The following SF1 variants were observed in gnomAD, a reference collection of about 807,000 sequenced individuals.
SF1 encodes branch point-binding protein.
A neutral mutation model predicts 62.5 loss-of-function variants in SF1; 7 were observed. The observed-to-expected ratio is 0.11, with a 90% CI of 0.06 to 0.21. SF1 has a LOEUF of 0.21. Ranked by LOEUF, SF1 falls within the 10% of genes least tolerant of loss-of-function variation. SF1 has a pLI of 1.00. For synonymous variants in SF1, 394 were observed against 323.6 expected (o/e 1.22, Z -2.33); for missense variants, 578 against 884.0 (o/e 0.65, Z 4.39).
intron 3 of SF1, chr11:64,772,486 ATGAG>A (rs1211197971): frequency 1.1e-5 from 11 of 984,972 alleles, no homozygotes; most frequent in South Asian, 4.7e-5. Context: ...AGAAAGATGC[ATGAG>A]TGAGTGACTT....
At chr11:64,773,640 G>A in intron 2 of SF1, 135 bp from the exon 3 acceptor site, 1 of 995,938 alleles carries the variant, frequency 1.0e-6, no homozygotes, top group Non-Finnish European at 1.4e-6. Context: ...TGAACACATT[G>A]AAGCAAAAAC....
intron 8 of SF1, among the ~76,000 whole-genome samples, chr11:64,768,621 C>T (rs1318375288): frequency 6.6e-6 from 1 of 152,260 alleles, no homozygotes; most frequent in African/African-American, 2.4e-5. Context: ...AAGACTGGCA[C>T]AACTGCCAGA....
chr11:64,770,009 T>G lies in SF1; in HGVS notation c.434A>C (p.Asp145Ala). ...RVSDKVMIPQDEYPEINFVGL... is the reference protein window; with the variant it reads ...RVSDKVMIPQAEYPEINFVGL... ...CACAAAGTTGATTTCTGGGTACTCATCTTGTGGAATCATGACTTTATCACT... is the reference window on the plus strand; with the variant it reads ...CACAAAGTTGATTTCTGGGTACTCAGCTTGTGGAATCATGACTTTATCACT... Residue 145 changes from aspartate to alanine, a missense_variant, in exon 5 of 13, where the codon GAT (aspartate) becomes GCT (alanine). Asp to Ala is a moderately radical substitution (Grantham distance 126, BLOSUM62 -2). Transcript: ENST00000377390. 6.2e-7 allele frequency: 1 copy of G among 1,614,144 alleles called. No homozygotes were observed. Among genetic ancestry groups the G allele is most frequent in the East Asian group, 2.2e-5 (1 of 44,892 alleles).
At chr11:64,772,743 G>A (rs544354265) in intron 3 of SF1, 1 of 985,280 alleles carries the variant, frequency 1.0e-6, no homozygotes, top group Admixed American at 6.1e-5. Flanking sequence ...TCTGAGGTGA[G>A]AGAAACTGCA....
Position 64,765,971 on chromosome 11 carries a change from C to A in SF1, c.1767G>T (p.Pro589=), listed in dbSNP as rs202182976. 3 of 1,234,044 alleles carry A rather than the reference C, an allele frequency of 2.4e-6. No individual in the cohort carries two copies. Among genetic ancestry groups the A allele is most frequent in the Non-Finnish European group, 3.1e-6 (3 of 956,714 alleles). 76.4% of individuals were successfully genotyped at this position (1,234,044 alleles called of 1,614,324 possible). A position where few individuals can be genotyped will look rare whatever the true frequency, so the allele number is the denominator to read the frequency against. The change falls in exon 13 of 13, where the codon CCG becomes CCT. Residue 589 remains proline (P), a synonymous_variant. Transcript: ENST00000377390. ...PGAPPPPPPP[P]PGSAGMMYAP... The stretch of plus-strand genomic sequence containing the variant: ...CATACATCATGCCGGCGGAACCAGG[C>A]GGTGGAGGCGGCGGAGGGGGAGGGG...
intron 2 of SF1, among the ~76,000 whole-genome samples, chr11:64,775,093 T>C (rs1354228667): frequency 6.6e-6 from 1 of 152,010 alleles, no homozygotes; most frequent in Non-Finnish European, 1.5e-5. Context: ...TGCAGTTGAG[T>C]ATTAAGCTCA....
chr11:64,769,843 A>G, intron 5 of SF1, 121 bp downstream of exon 5: 1 of 839,816 alleles, frequency 1.2e-6, no homozygotes, highest in Non-Finnish European at 1.9e-6. Context: ...TAATTCAGCC[A>G]AAATGAAATG....
In SF1 at chr11:64,769,672, C is replaced by T. The variant is rs566281344; in HGVS notation, c.480-63G>A. 108 of 1,477,742 alleles carry T rather than the reference C, an allele frequency of 7.3e-5. 2 individuals carry two copies. The South Asian group carries it at 1.2e-3, about 17-fold the overall frequency. The allele number at this position is 1,477,742 out of a possible 1,614,324, so 91.5% of individuals were successfully genotyped here. A position where few individuals can be genotyped will look rare whatever the true frequency, so the allele number is the denominator to read the frequency against. ...ATTCACACTCAAGAGGGAAGAGAGGCTGGACCAATTTGGCATTGGTGGGAA... is the reference window on the plus strand; with the variant it reads ...ATTCACACTCAAGAGGGAAGAGAGGTTGGACCAATTTGGCATTGGTGGGAA... On this transcript the variant is annotated intron_variant, in intron 5 of 12. Transcript: ENST00000377390.
In SF1 at chr11:64,765,814, A is replaced by G. The variant is rs2277309; in HGVS notation, c.*4T>C. 6.5e-7 allele frequency: 1 copy of G among 1,533,698 alleles called. No homozygotes were observed. Among genetic ancestry groups the G allele is most frequent in the Non-Finnish European group, 8.8e-7 (1 of 1,142,366 alleles). On this transcript the variant is annotated 3_prime_UTR_variant, in exon 13 of 13. Coordinates refer to ENST00000377390, the MANE Select transcript of SF1 (RefSeq NM_004630.4). The stretch of plus-strand genomic sequence containing the variant: ...TATAATATATATTTTCTTAAAAAAC[A>G]AGTCTAGTTCTGTGGTGGAGGCGGT...
At chr11:64,771,719 T>C in intron 3 of SF1, 1 of 985,414 alleles carries the variant, frequency 1.0e-6, no homozygotes, top group South Asian at 4.7e-5. Context: ...ATCTTATACA[T>C]TTAAGTCTAC....
chr11:64,777,010 G>C (rs1397213311), intron 1 of SF1, among the ~76,000 whole-genome samples: 1 of 152,204 alleles, frequency 6.6e-6, no homozygotes, highest in African/African-American at 2.4e-5. Context: ...TTGTAAAGCA[G>C]TCCTGATGGG....
intron 3 of SF1, 153 bp downstream of exon 3, chr11:64,773,277 C>T (rs1013319062): frequency 9.6e-6 from 14 of 1,451,886 alleles, no homozygotes; most frequent in African/African-American, 1.5e-5. Context: ...ACTGACCATA[C>T]ATATTTCTAA....
At chr11:64,776,757 T>A in intron 1 of SF1, 131 bp from the exon 2 acceptor site, 1 of 852,972 alleles carries the variant, frequency 1.2e-6, no homozygotes, top group Non-Finnish European at 1.8e-6. Context: ...AACTTAAACA[T>A]TAAAAAAACA....
At position 64,765,480 on chromosome 11, in the gene SF1, C is replaced by T. The variant is rs758524634; in HGVS notation, c.*338G>A. 14 of 1,613,192 alleles carry T rather than the reference C, an allele frequency of 8.7e-6. No homozygotes were observed. The highest frequency in any genetic ancestry group is 6.7e-5 in the Admixed American group (4 of 59,958). On this transcript the variant is annotated 3_prime_UTR_variant, in exon 13 of 13. Transcript: ENST00000377390. ...CACCAATGGGCGCGGAAAGTCCTCACTCTCATGGCTCGGGCCATCGCCGCC... is the reference window on the plus strand; with the variant it reads ...CACCAATGGGCGCGGAAAGTCCTCATTCTCATGGCTCGGGCCATCGCCGCC...
rs956438751 is a variant in SF1 at position 64,774,755 on chromosome 11, C to A, written c.161-1250G>T. Among the ~76,000 whole-genome samples, 3 of 152,144 alleles carry A rather than the reference C, an allele frequency of 2.0e-5. No homozygotes were observed. The East Asian group carries it at 5.8e-4, about 29-fold the overall frequency. On this transcript the variant is annotated intron_variant, in intron 2 of 12. Transcript: ENST00000377390. Reference sequence around the variant, plus strand: ...CAGGCAGATCATGAGGACAAGAGATCGAGACCATCCTGGCCAACATGGTGA... The same window carrying A: ...CAGGCAGATCATGAGGACAAGAGATAGAGACCATCCTGGCCAACATGGTGA...
chr11:64,771,659 A>G, intron 3 of SF1: 1 of 985,378 alleles, frequency 1.0e-6, no homozygotes, highest in Non-Finnish European at 1.2e-6. Flanking sequence ...TGTTAGCACA[A>G]TCCATTAAGA....
rs1179120236 is a variant in SF1, at chr11:64,770,426, C to T, written c.237-18G>A. 3.1e-6 allele frequency: 5 copies of T among 1,607,892 alleles called. No homozygotes were observed. In the South Asian group the frequency reaches 3.3e-5, roughly 11 times the overall value. ...AAGGGGACCTGTGGGAAACAGACTCCCGTTTACTATTCTGCACCGACTTCT... is the reference window on the plus strand; with the variant it reads ...AAGGGGACCTGTGGGAAACAGACTCTCGTTTACTATTCTGCACCGACTTCT... On this transcript the variant is annotated intron_variant, in intron 3 of 12. Coordinates refer to ENST00000377390, the MANE Select transcript of SF1 (RefSeq NM_004630.4).
intron 3 of SF1, chr11:64,772,547 G>C (rs1163673280): frequency 2.0e-6 from 2 of 985,078 alleles, no homozygotes; most frequent in African/African-American, 3.5e-5. Context: ...TATTAACTGG[G>C]TAACAAAAAC....
Position 64,769,355 on chromosome 11 carries a change from G to A in SF1, c.664-17C>T. ...GTTTCTTATCTAGTGAAAATGCAAT[G>A]GACAGTTAAGTGCTTAGGGCCTCCA... On this transcript the variant is annotated splice_polypyrimidine_tract_variant and intron_variant, in intron 6 of 12. Transcript: ENST00000377390. 3 of 1,613,552 alleles carry A rather than the reference G, an allele frequency of 1.9e-6. No homozygotes were observed. Among genetic ancestry groups the A allele is most frequent in the South Asian group, 1.1e-5 (1 of 91,060 alleles).
Sources: gnomAD v4.1 joint callset for allele counts (sites outside exome capture counted in the v4.1 genomes callset) on GRCh38, gnomAD v4.1.1 for gene constraint, MANE v1.5 for transcripts, NCBI Gene and HGNC (gene_info 2026-07-23, HGNC 2026-07-21) for gene names.